Variants in CDCA7L observed in about 807,000 individuals in gnomAD.
CDCA7L encodes the protein cell division cycle associated 7 like.
CDCA7L carries 44 observed loss-of-function variants against 57.4 expected under a neutral mutation model. The observed-to-expected ratio is 0.77, with a 90% CI of 0.60 to 0.98. CDCA7L has a LOEUF of 0.98. Ranked by LOEUF, CDCA7L falls within the 50% of genes least tolerant of loss-of-function variation. The pLI, the probability that CDCA7L is intolerant of heterozygous loss-of-function variation, is 0.00. For missense variants in CDCA7L, 644 were observed against 580.6 expected (o/e 1.11, Z -1.12); for synonymous variants, 236 against 202.8 (o/e 1.16, Z -1.39).
intron 1 of CDCA7L, among the ~76,000 whole-genome samples, chr7:21,918,031 T>G (rs1785540387): frequency 6.6e-6 from 1 of 152,280 alleles, no homozygotes; most frequent in African/African-American, 2.4e-5. Flanking sequence ...AACTGCCTTG[T>G]AGAATGTCAT....
chr7:21,910,447 A>C (rs1296533342), intron 3 of CDCA7L, among the ~76,000 whole-genome samples: 5 of 152,186 alleles, frequency 3.3e-5, no homozygotes, highest in African/African-American at 1.2e-4. Context: ...ATTCTCTCCT[A>C]GGACAAGTGA....
rs993618128 is a variant in CDCA7L at position 21,914,943 on chromosome 7, G to A, written c.165+1811C>T. The stretch of plus-strand genomic sequence containing the variant: ...CCGGTGCCTGCCAGGCTCTGTGCTC[G>A]GCCCTTTAGACATGTTCTGCCTTGC... On this transcript the variant is annotated intron_variant, in intron 2 of 9. Coordinates refer to ENST00000406877, the MANE Select transcript of CDCA7L (RefSeq NM_018719.5). Among the ~76,000 whole-genome samples the A allele has an allele frequency of 3.9e-5, 6 of 152,108 alleles. No homozygotes were observed. In the South Asian group the frequency reaches 1.0e-3, roughly 26 times the overall value.
chr7:21,914,407 G>C lies in CDCA7L; in HGVS notation c.165+2347C>G, dbSNP rs145068960. On this transcript the variant is annotated intron_variant, in intron 2 of 9. Transcript: ENST00000406877. ...GCAGACAGGTCCACGAATAACCCTG[G>C]TGAGGGTCAGTGCTCTAAGGGATAC... Among the ~76,000 whole-genome samples the C allele has an allele frequency of 3.8e-3, 573 of 152,312 alleles. 4 individuals are homozygous for C. The highest frequency in any genetic ancestry group is 0.013 in the African/African-American group (533 of 41,578).
At chr7:21,933,739 C>A (rs1786084126) in intron 1 of CDCA7L, among the ~76,000 whole-genome samples, 1 of 151,746 alleles carries the variant, frequency 6.6e-6, no homozygotes, top group South Asian at 2.1e-4. Flanking sequence ...CACCATGGCA[C>A]ATGTATACCT....
intron 1 of CDCA7L, among the ~76,000 whole-genome samples, chr7:21,919,166 C>G (rs117186703): frequency 7.2e-5 from 11 of 152,242 alleles, no homozygotes; most frequent in African/African-American, 2.6e-4. Context: ...CAGATTTTCT[C>G]TCTCCTTCAC....
intron 1 of CDCA7L, among the ~76,000 whole-genome samples, chr7:21,926,727 C>T (rs1056832519): frequency 3.3e-5 from 5 of 151,932 alleles, no homozygotes; most frequent in African/African-American, 9.7e-5. Context: ...TTTTTAATTA[C>T]CTAGGCATGA....
At chr7:21,915,652 A>AC (rs1471310982) in intron 2 of CDCA7L, among the ~76,000 whole-genome samples, 1 of 122,072 alleles carries the variant, frequency 8.2e-6, no homozygotes, top group African/African-American at 3.3e-5. Context: ...AAAAAAAAAA[A>AC]AAAAAAACAC....
chr7:21,937,992 G>C (rs1344818677), intron 1 of CDCA7L, among the ~76,000 whole-genome samples: 1 of 152,068 alleles, frequency 6.6e-6, no homozygotes, highest in Non-Finnish European at 1.5e-5. Flanking sequence ...AAAATACAGG[G>C]GAAAAGTTTC....
Position 21,925,092 on chromosome 7 carries a change from AAAAC to A in CDCA7L, c.25-8202_25-8199del, listed in dbSNP as rs778455489. Among the ~76,000 whole-genome samples the A allele has an allele frequency of 2.6e-3, 395 of 152,300 alleles. 1 individual carries two copies. Among genetic ancestry groups the A allele is most frequent in the Non-Finnish European group, 4.4e-3 (296 of 68,022 alleles). Reference sequence around the variant, plus strand: ...CTTAAAAGAAGAAAATTCAGAAACAAAAACAAACAAACAAACAAAAAAAGGTAGG... The same window carrying A: ...CTTAAAAGAAGAAAATTCAGAAACAAAAACAAACAAACAAAAAAAGGTAGG... On this transcript the variant is annotated intron_variant, in intron 1 of 9. Transcript: ENST00000406877.
chr7:21,923,079 G>A (rs1785709019), intron 1 of CDCA7L, among the ~76,000 whole-genome samples: 1 of 152,118 alleles, frequency 6.6e-6, no homozygotes, highest in African/African-American at 2.4e-5. Flanking sequence ...AAGAGTTTTG[G>A]AATTTAAATA....
chr7:21,944,449 C>CAACAAAAAAAAAAAAAAAAAAAAAA (rs1786444890), intron 1 of CDCA7L, among the ~76,000 whole-genome samples: 1 of 61,658 alleles, frequency 1.6e-5, no homozygotes, highest in African/African-American at 9.0e-5. Flanking sequence ...ACTCCGTCTC[C>CAACAAAAAAAAAAAAAAAAAAAAAA]AAAAAAAAAA....
At chr7:21,941,064 G>T (rs1460011236) in intron 1 of CDCA7L, among the ~76,000 whole-genome samples, 3 of 152,128 alleles carry the variant, frequency 2.0e-5, no homozygotes, top group African/African-American at 7.2e-5. Context: ...CAATGTGTCA[G>T]AGGCTCCTAA....
Position 21,902,180 on chromosome 7 carries a change from A to AAACAATCTT in CDCA7L, c.*141_*142insAAGATTGTT. 1 of 821,708 alleles carries AAACAATCTT rather than the reference A, an allele frequency of 1.2e-6. No homozygotes were observed. The highest frequency in any genetic ancestry group is 2.0e-6 in the Non-Finnish European group (1 of 488,696). 50.9% of individuals were successfully genotyped at this position (821,708 alleles called of 1,614,324 possible). A position where few individuals can be genotyped will look rare whatever the true frequency, so the allele number is the denominator to read the frequency against. On this transcript the variant is annotated 3_prime_UTR_variant, in exon 10 of 10. Transcript: ENST00000406877. ...AGAAATCTTTGTAAGCATATAAACA[A>AAACAATCTT]TCTTTAACAAAAAATAGTAATTTCT... is the stretch of plus-strand genomic sequence containing the variant.
intron 1 of CDCA7L, among the ~76,000 whole-genome samples, chr7:21,928,615 T>C (rs945771685): frequency 2.0e-5 from 3 of 151,798 alleles, no homozygotes; most frequent in African/African-American, 7.3e-5. Flanking sequence ...ATAAATGACC[T>C]GATGGAGCTG....
chr7:21,945,495 G>C (rs948366723), intron 1 of CDCA7L, among the ~76,000 whole-genome samples: 1 of 152,092 alleles, frequency 6.6e-6, no homozygotes, highest in Admixed American at 6.5e-5. Flanking sequence ...CGCCCCGCTA[G>C]CTCCCCGCCT....
At chr7:21,916,996 T>G in intron 1 of CDCA7L, 102 bp from the exon 2 acceptor site, 1 of 1,358,902 alleles carries the variant, frequency 7.4e-7, no homozygotes, top group South Asian at 1.3e-5. Context: ...TTCATCCAAC[T>G]GCCACGGTTG....
At chr7:21,908,053 C>G in intron 4 of CDCA7L, 77 bp downstream of exon 4, 2 of 1,450,412 alleles carry the variant, frequency 1.4e-6, no homozygotes, top group Non-Finnish European at 1.8e-6. Context: ...GCTGTAGGAG[C>G]AAAGTGGTTC....
chr7:21,911,003 ATAATTTTTTTTTTTTTTTTTTTTTTT>A (rs577875263), intron 3 of CDCA7L, among the ~76,000 whole-genome samples: 1,559 of 136,070 alleles, frequency 0.011, 30 homozygotes, highest in African/African-American at 0.042. Context: ...AACTCTTGAG[ATAATTTTTTTTTTTTTTTTTTTTTTT>A]TTTTTTTTTT....
chr7:21,942,535 A>G (rs1033425528), intron 1 of CDCA7L, among the ~76,000 whole-genome samples: 1 of 152,236 alleles, frequency 6.6e-6, no homozygotes, highest in Non-Finnish European at 1.5e-5. Context: ...TCTAAAACAT[A>G]ACTTTGAGTA....
Sources: gnomAD v4.1 joint callset for allele counts (sites outside exome capture counted in the v4.1 genomes callset) on GRCh38, gnomAD v4.1.1 for gene constraint, MANE v1.5 for transcripts, NCBI Gene and HGNC (gene_info 2026-07-23, HGNC 2026-07-21) for gene names.